Variants in ANTXR2 observed in about 807,000 individuals in gnomAD.
ANTXR2 encodes ANTXR cell adhesion molecule 2.
Under a neutral mutation model 73.7 loss-of-function variants are expected in ANTXR2, and 44 were observed. That is an observed-to-expected ratio of 0.60 (90% CI 0.47 to 0.77). The LOEUF is 0.77. ANTXR2 is among the 30% of genes least tolerant of loss of function. The probability of loss-of-function intolerance (pLI) is 0.00; values close to 1 mark genes in which losing one functional copy is unlikely to be tolerated. For synonymous variants in ANTXR2, 217 were observed against 205.9 expected (o/e 1.05, Z -0.46); for missense variants, 604 against 592.5 (o/e 1.02, Z -0.20).
chr4:79,977,487 G>T, intron 16 of ANTXR2, 134 bp downstream of exon 16: 1 of 1,457,268 alleles, frequency 6.9e-7, no homozygotes, highest in Non-Finnish European at 9.0e-7. Flanking sequence ...CTATGTAATA[G>T]AAATCTACAC....
At chr4:80,016,290 T>C (rs375165273) in intron 11 of ANTXR2, among the ~76,000 whole-genome samples, 1 of 152,130 alleles carries the variant, frequency 6.6e-6, no homozygotes, top group African/African-American at 2.4e-5. Context: ...TTATTTCTAC[T>C]CCAGTCAAAT....
At chr4:80,034,274 T>C (rs987869186) in intron 8 of ANTXR2, among the ~76,000 whole-genome samples, 4 of 152,142 alleles carry the variant, frequency 2.6e-5, no homozygotes, top group Non-Finnish European at 4.4e-5. Context: ...TGATCAAATA[T>C]CTTGACAGAC....
At chr4:80,010,046 G>GT (rs11303326) in intron 11 of ANTXR2, among the ~76,000 whole-genome samples, 41 of 147,970 alleles carry the variant, frequency 2.8e-4, no homozygotes, top group South Asian at 4.2e-4. Context: ...TTGTTTTGTG[G>GT]TTTTTTTTTT....
chr4:79,927,162 A>C (rs1727849188), intron 16 of ANTXR2, among the ~76,000 whole-genome samples: 1 of 151,892 alleles, frequency 6.6e-6, no homozygotes, highest in Non-Finnish European at 1.5e-5. Context: ...CAAGCGAACA[A>C]AAACAGACAT....
chr4:79,918,511 C>G (rs548224034), intron 16 of ANTXR2, among the ~76,000 whole-genome samples: 22 of 152,166 alleles, frequency 1.4e-4, no homozygotes, highest in African/African-American at 5.3e-4. Flanking sequence ...CGACAGTTGA[C>G]TTTTTATTAA....
chr4:79,948,066 T>C (rs373115637), intron 16 of ANTXR2, among the ~76,000 whole-genome samples: 4 of 152,158 alleles, frequency 2.6e-5, no homozygotes, highest in Admixed American at 6.6e-5. Context: ...ATATGTAAGA[T>C]GGAATTATTT....
chr4:80,069,423 A>G lies in ANTXR2; in HGVS notation c.296+13T>C, dbSNP rs1204607441. The G allele has an allele frequency of 6.4e-7, 1 of 1,563,476 alleles. No individual in the cohort carries two copies. The highest frequency in any genetic ancestry group is 1.4e-5 in the African/African-American group (1 of 73,802). On this transcript the variant is annotated intron_variant, in intron 3 of 16. Coordinates refer to ENST00000403729, the MANE Select transcript of ANTXR2 (RefSeq NM_058172.6). ...TCTACTAAAAGCCTGCAGTGAAATG[A>G]TAATGCACTAACCTGTCTCCAGTTA...
intron 14 of ANTXR2, among the ~76,000 whole-genome samples, chr4:79,981,492 T>C (rs184768479): frequency 1.2e-3 from 179 of 152,336 alleles, no homozygotes; most frequent in African/African-American, 4.1e-3. Context: ...TATATACATA[T>C]TCTTCTTATG....
chr4:79,984,839 G>C lies in ANTXR2; in HGVS notation c.1066C>G (p.Pro356Ala), dbSNP rs777052751. ...CTTACCTCTTTTGGTGCAGGGGCGG[G>C]TGGTGGTGGAGGATCCTTAATAACC... Reference protein sequence around the residue: ...KVVIKDPPPPPAPAPKEEEEE... With the variant: ...KVVIKDPPPPAAPAPKEEEEE... The change falls in exon 13 of 17, where the codon CCC becomes GCC. Residue 356 changes from proline to alanine, a missense_variant. Coordinates refer to ENST00000403729, the MANE Select transcript of ANTXR2 (RefSeq NM_058172.6). 1 of 1,600,536 alleles carries C rather than the reference G, an allele frequency of 6.2e-7. No individual in the cohort carries two copies. The highest frequency in any genetic ancestry group is 8.5e-7 in the Non-Finnish European group (1 of 1,171,614).
chr4:80,050,470 C>T (rs1477510248), intron 7 of ANTXR2, among the ~76,000 whole-genome samples: 1 of 151,682 alleles, frequency 6.6e-6, no homozygotes, highest in Non-Finnish European at 1.5e-5. Flanking sequence ...ATCATTAGCC[C>T]TGGGTTAGTT....
chr4:80,058,126 T>G (rs7676664), intron 3 of ANTXR2, among the ~76,000 whole-genome samples: 3,884 of 152,192 alleles, frequency 0.026, 178 homozygotes, highest in African/African-American at 0.088. Context: ...AAACAGATTT[T>G]GCATAAGACA....
At chr4:80,070,689 T>C (rs1056661911) in intron 2 of ANTXR2, among the ~76,000 whole-genome samples, 3 of 152,226 alleles carry the variant, frequency 2.0e-5, no homozygotes, top group Non-Finnish European at 4.4e-5. Context: ...CCTAGGCCTC[T>C]ACAGATTGTT....
intron 16 of ANTXR2, among the ~76,000 whole-genome samples, chr4:79,920,065 ACT>A (rs1414473116): frequency 4.6e-5 from 7 of 151,578 alleles, no homozygotes; most frequent in African/African-American, 1.7e-4. Flanking sequence ...TATACTATTA[ACT>A]CACCATTTTT....
At chr4:80,026,565 T>A (rs1389381040) in intron 10 of ANTXR2, among the ~76,000 whole-genome samples, 1 of 152,122 alleles carries the variant, frequency 6.6e-6, no homozygotes, top group African/African-American at 2.4e-5. Flanking sequence ...TAGGTGTCCA[T>A]CTTTAAATAC....
rs2109917068 is a variant in ANTXR2, at chr4:79,903,143, T to A, written c.*4286A>T. ...CAGCCTGGGTGACAGAGTGAGACTC[T>A]GTTTCAAAAAAAAGAAAAAAAATCT... On this transcript the variant is annotated 3_prime_UTR_variant, in exon 17 of 17. Transcript: ENST00000403729. 7.4e-6 allele frequency: 1 copy of A among 134,390 alleles called. No homozygotes were observed. Among genetic ancestry groups the A allele is most frequent in the Non-Finnish European group, 1.7e-5 (1 of 57,436 alleles). 8.3% of individuals were successfully genotyped at this position (134,390 alleles called of 1,614,324 possible). A position where few individuals can be genotyped will look rare whatever the true frequency, so the allele number is the denominator to read the frequency against.
chr4:79,980,328 A>G (rs1729833148), intron 14 of ANTXR2, among the ~76,000 whole-genome samples: 2 of 152,174 alleles, frequency 1.3e-5, no homozygotes, highest in Non-Finnish European at 2.9e-5. Context: ...AACTCTTAAA[A>G]ACAATTAAAT....
rs1726834721 is a variant in ANTXR2 at position 79,904,615 on chromosome 4, AAT to A, written c.*2812_*2813del. ...CCATAAAGAACAGACATTGTTATGA[AAT>A]ATATATAGATGCCTTCAAAACTTTC... On this transcript the variant is annotated 3_prime_UTR_variant, in exon 17 of 17. Transcript: ENST00000403729. 1 of 152,104 alleles carries A rather than the reference AAT, an allele frequency of 6.6e-6. No individual in the cohort carries two copies. Among genetic ancestry groups the A allele is most frequent in the African/African-American group, 2.4e-5 (1 of 41,442 alleles). The allele number at this position is 152,104 out of a possible 1,614,324, so 9.4% of individuals were successfully genotyped here.
chr4:79,935,268 C>T (rs575279159), intron 16 of ANTXR2, among the ~76,000 whole-genome samples: 2 of 151,654 alleles, frequency 1.3e-5, no homozygotes, highest in African/African-American at 4.8e-5. Context: ...AGAAAAAGCA[C>T]CCTTTCCTCC....
chr4:80,001,065 GTA>G (rs1440166846), intron 12 of ANTXR2, among the ~76,000 whole-genome samples: 1 of 152,022 alleles, frequency 6.6e-6, no homozygotes, highest in African/African-American at 2.4e-5. Context: ...ATTCTACTCA[GTA>G]TATGAAGCAT....
Sources: gnomAD v4.1 joint callset for allele counts (sites outside exome capture counted in the v4.1 genomes callset) on GRCh38, gnomAD v4.1.1 for gene constraint, MANE v1.5 for transcripts, NCBI Gene and HGNC (gene_info 2026-07-23, HGNC 2026-07-21) for gene names.